Variants in NARS2 observed in about 807,000 individuals in gnomAD.
NARS2 encodes the protein asparaginyl-tRNA synthetase.
Under a neutral mutation model 62.9 loss-of-function variants are expected in NARS2, and 60 were observed. That is an observed-to-expected ratio of 0.95 (90% CI 0.77 to 1.18). The LOEUF is 1.18. Ranked by LOEUF, NARS2 falls within the 50% of genes most tolerant of loss-of-function variation. NARS2 has a pLI of 0.00. For missense variants in NARS2, 619 were observed against 576.4 expected (o/e 1.07, Z -0.76); for synonymous variants, 196 against 200.0 (o/e 0.98, Z 0.17).
chr11:78,448,116 C>A (rs998217574), intron 11 of NARS2, among the ~76,000 whole-genome samples: 1 of 152,054 alleles, frequency 6.6e-6, no homozygotes, highest in Non-Finnish European at 1.5e-5. Context: ...TTTAATCATA[C>A]CACATTGTAT....
intron 5 of NARS2, among the ~76,000 whole-genome samples, chr11:78,555,812 C>T (rs896084333): frequency 2.6e-5 from 4 of 152,142 alleles, no homozygotes; most frequent in Admixed American, 6.5e-5. Flanking sequence ...TTGATGTGGG[C>T]GTTTAGTGCT....
At chr11:78,447,570 T>C (rs894330066) in intron 11 of NARS2, among the ~76,000 whole-genome samples, 4 of 152,048 alleles carry the variant, frequency 2.6e-5, no homozygotes, top group Admixed American at 1.3e-4. Flanking sequence ...GCAGCATTAC[T>C]CACAATAGTA....
intron 5 of NARS2, chr11:78,555,128 T>C (rs958734599): frequency 6.6e-6 from 1 of 152,238 alleles, no homozygotes; most frequent in Non-Finnish European, 1.5e-5. Context: ...TGGATTCAGT[T>C]TGCAAGTATT....
At chr11:78,465,622 A>G (rs886933999) in intron 11 of NARS2, among the ~76,000 whole-genome samples, 5 of 152,242 alleles carry the variant, frequency 3.3e-5, no homozygotes, top group African/African-American at 1.2e-4. Context: ...AAAATGAAAC[A>G]TAACAAAACG....
At chr11:78,507,522 C>CTTT (rs71046973) in intron 6 of NARS2, among the ~76,000 whole-genome samples, 3 of 140,594 alleles carry the variant, frequency 2.1e-5, no homozygotes, top group African/African-American at 5.2e-5. Context: ...TTCTTTTATT[C>CTTT]TTTTTTTTTT....
At chr11:78,501,892 G>A (rs1343839131) in intron 6 of NARS2, among the ~76,000 whole-genome samples, 1 of 152,008 alleles carries the variant, frequency 6.6e-6, no homozygotes, top group African/African-American at 2.4e-5. Flanking sequence ...GTACATAAAT[G>A]TTCATAGTGG....
Position 78,503,998 on chromosome 11 carries a change from G to GTT in NARS2, c.690-10805_690-10804dup, listed in dbSNP as rs770749041. On this transcript the variant is annotated intron_variant, in intron 6 of 13. Transcript: ENST00000281038. The stretch of plus-strand genomic sequence containing the variant: ...AACTCTGGGTTGAACTATTTGAACC[G>GTT]TTATCTCCAAATTCCCAAGTTACAG... Among the ~76,000 whole-genome samples, 5 of 152,110 alleles carry GTT rather than the reference G, an allele frequency of 3.3e-5. No homozygotes were observed. In the East Asian group the frequency reaches 9.7e-4, roughly 29 times the overall value.
At chr11:78,555,761 G>A (rs11237545) in intron 5 of NARS2, among the ~76,000 whole-genome samples, 7 of 151,950 alleles carry the variant, frequency 4.6e-5, no homozygotes, top group South Asian at 2.1e-4. Flanking sequence ...AATTATTTCC[G>A]TTGTGAAGTT....
At chr11:78,515,779 C>T (rs1324566839) in intron 6 of NARS2, among the ~76,000 whole-genome samples, 1 of 152,208 alleles carries the variant, frequency 6.6e-6, no homozygotes, top group Non-Finnish European at 1.5e-5. Flanking sequence ...TTGCCTCGGC[C>T]TCCCAAAGCC....
At chr11:78,465,252 C>G (rs1034096985) in intron 11 of NARS2, among the ~76,000 whole-genome samples, 1 of 152,236 alleles carries the variant, frequency 6.6e-6, no homozygotes, top group Non-Finnish European at 1.5e-5. Context: ...CCGCAAGCAC[C>G]GCAGGCAGCC....
chr11:78,573,960 C>T (rs895445533), intron 1 of NARS2, among the ~76,000 whole-genome samples: 1 of 152,228 alleles, frequency 6.6e-6, no homozygotes, highest in African/African-American at 2.4e-5. Context: ...TATTTGCTGT[C>T]AGCCATGTGT....
chr11:78,499,171 C>A (rs1249706139), intron 6 of NARS2, among the ~76,000 whole-genome samples: 1 of 152,174 alleles, frequency 6.6e-6, no homozygotes, highest in South Asian at 2.1e-4. Flanking sequence ...CTGCCTCGGC[C>A]TCCCAAAGTG....
intron 9 of NARS2, among the ~76,000 whole-genome samples, chr11:78,475,230 T>C (rs1859039155): frequency 6.6e-6 from 1 of 152,218 alleles, no homozygotes; most frequent in Non-Finnish European, 1.5e-5. Flanking sequence ...GGTTGATCCA[T>C]GCTGTCACAA....
At chr11:78,469,348 A>G (rs1296886743) in intron 9 of NARS2, 35 bp from the exon 10 acceptor site, 4 of 1,504,954 alleles carry the variant, frequency 2.7e-6, no homozygotes, top group Non-Finnish European at 3.7e-6. Flanking sequence ...GAGAAAAGTC[A>G]ATACAATGGA....
At chr11:78,490,926 C>A (rs1310069709) in intron 7 of NARS2, among the ~76,000 whole-genome samples, 3 of 152,182 alleles carry the variant, frequency 2.0e-5, no homozygotes, top group Non-Finnish European at 4.4e-5. Context: ...CTCACACTTA[C>A]TAAAAAGGTA....
At chr11:78,517,738 T>A (rs994460096) in intron 6 of NARS2, among the ~76,000 whole-genome samples, 1 of 152,194 alleles carries the variant, frequency 6.6e-6, no homozygotes, top group African/African-American at 2.4e-5. Flanking sequence ...TAAAAGCCAT[T>A]GCACTTGCTG....
At chr11:78,497,881 T>G (rs1415458477) in intron 6 of NARS2, among the ~76,000 whole-genome samples, 2 of 152,212 alleles carry the variant, frequency 1.3e-5, no homozygotes, top group African/African-American at 4.8e-5. Flanking sequence ...AATTCTTATC[T>G]TTATTGCCAA....
chr11:78,456,018 C>A (rs1858150381), intron 11 of NARS2, among the ~76,000 whole-genome samples: 1 of 152,058 alleles, frequency 6.6e-6, no homozygotes, highest in African/African-American at 2.4e-5. Context: ...CCTCTGTCTA[C>A]CATGTTTTAA....
At chr11:78,466,065 C>T in intron 10 of NARS2, 52 bp from the exon 11 acceptor site, 1 of 1,522,166 alleles carries the variant, frequency 6.6e-7, no homozygotes, top group Non-Finnish European at 8.8e-7. Flanking sequence ...GTGAAATATA[C>T]AATTAAGCAG....
Sources: gnomAD v4.1 joint callset for allele counts (sites outside exome capture counted in the v4.1 genomes callset) on GRCh38, gnomAD v4.1.1 for gene constraint, MANE v1.5 for transcripts, NCBI Gene and HGNC (gene_info 2026-07-23, HGNC 2026-07-21) for gene names.